NHSL2: variants seen among roughly 807,000 people sequenced by gnomAD.
NHSL2 encodes the protein NHS like 2.
Under a neutral mutation model 53.4 loss-of-function variants are expected in NHSL2, and 27 were observed. The observed-to-expected ratio is 0.51, with a 90% CI of 0.37 to 0.70. The LOEUF (loss-of-function observed/expected upper bound fraction) is 0.70, where lower values mean the gene tolerates loss of function less well. Ranked by LOEUF, NHSL2 falls within the 30% of genes least tolerant of loss-of-function variation. The pLI, the probability that NHSL2 is intolerant of heterozygous loss-of-function variation, is 0.00. For synonymous variants in NHSL2, 408 were observed against 404.1 expected (o/e 1.01, Z -0.12); for missense variants, 892 against 980.1 (o/e 0.91, Z 1.20).
intron 1 of NHSL2, among the ~76,000 whole-genome samples, chrX:72,019,388 C>T (rs762368301): frequency 1.7e-4 from 19 of 112,297 alleles, no homozygotes; most frequent in Non-Finnish European, 3.4e-4. Flanking sequence ...TTGCCCTGAC[C>T]ATAAAATAGC....
intron 1 of NHSL2, among the ~76,000 whole-genome samples, chrX:71,994,265 G>C (rs2042039895): frequency 9.5e-6 from 1 of 105,004 alleles, no homozygotes; most frequent in Non-Finnish European, 2.0e-5. Context: ...TGGGAGGGCA[G>C]ACAGACTGAG....
chrX:72,065,955 A>C (rs983043054), intron 1 of NHSL2, among the ~76,000 whole-genome samples: 2 of 112,211 alleles, frequency 1.8e-5, no homozygotes, highest in African/African-American at 6.5e-5. Context: ...GCCGGTTCTG[A>C]GTATAGGCTG....
Position 72,140,479 on chromosome X carries a change from G to A in NHSL2, c.2931G>A (p.Lys977=). The A allele has an allele frequency of 3.3e-6, 4 of 1,210,237 alleles. No individual in the cohort carries two copies. Among genetic ancestry groups the A allele is most frequent in the Non-Finnish European group, 4.5e-6 (4 of 894,759 alleles). ...GAAGTGTAGAGGACGAGGGCCCCAA[G>A]GTGAGGGTTCTGCCTGAAAGAATTA... ...PQGSVEDEGP[K]VRVLPERISL... Residue 977 remains lysine (K), a synonymous_variant, in exon 6 of 8, where the codon AAG becomes AAA. Transcript: ENST00000633930.
chrX:71,985,390 A>C (rs953733920), intron 1 of NHSL2, among the ~76,000 whole-genome samples: 4 of 112,273 alleles, frequency 3.6e-5, no homozygotes, highest in African/African-American at 1.3e-4. Flanking sequence ...TGATTCCTTA[A>C]AGGAAAGCAC....
intron 1 of NHSL2, among the ~76,000 whole-genome samples, chrX:72,126,184 G>A (rs1398388053): frequency 2.7e-5 from 3 of 111,874 alleles, no homozygotes; most frequent in Non-Finnish European, 5.6e-5. Context: ...AAGGGACAAA[G>A]CAAATGTGCC....
At chrX:71,960,606 G>T (rs2041863245) in intron 1 of NHSL2, among the ~76,000 whole-genome samples, 1 of 112,310 alleles carries the variant, frequency 8.9e-6, no homozygotes, top group South Asian at 3.6e-4. Flanking sequence ...TGGCTATCCA[G>T]TTGTCCCAGC....
chrX:72,094,296 G>A (rs1047513194), intron 1 of NHSL2, among the ~76,000 whole-genome samples: 5 of 111,399 alleles, frequency 4.5e-5, no homozygotes, highest in African/African-American at 1.3e-4. Context: ...GGCAAAGAAT[G>A]GTATGGACAA....
intron 1 of NHSL2, among the ~76,000 whole-genome samples, chrX:72,033,033 C>A (rs973239356): frequency 9.9e-5 from 11 of 111,527 alleles, no homozygotes; most frequent in African/African-American, 3.3e-4. Context: ...CAATTATTCT[C>A]CTTTTTCAAG....
intron 1 of NHSL2, among the ~76,000 whole-genome samples, chrX:71,971,245 A>AT (rs2041923758): frequency 8.9e-6 from 1 of 111,810 alleles, no homozygotes; most frequent in Non-Finnish European, 1.9e-5. Flanking sequence ...TCTACTTCAG[A>AT]TTTGTAGTAA....
chrX:71,916,676 G>T (rs776488863), intron 1 of NHSL2, among the ~76,000 whole-genome samples: 1 of 111,840 alleles, frequency 8.9e-6, no homozygotes, highest in South Asian at 3.8e-4. Flanking sequence ...CATACCAGAA[G>T]ATTCTTCTGC....
intron 1 of NHSL2, among the ~76,000 whole-genome samples, chrX:72,122,475 T>A (rs930984607): frequency 8.9e-6 from 1 of 112,842 alleles, no homozygotes; most frequent in African/African-American, 3.2e-5. Flanking sequence ...TAGCTATTTT[T>A]GTTGTTATTG....
intron 1 of NHSL2, among the ~76,000 whole-genome samples, chrX:72,030,705 G>C (rs1002598495): frequency 8.9e-6 from 1 of 112,180 alleles, no homozygotes; most frequent in Non-Finnish European, 1.9e-5. Flanking sequence ...GCCCTGCTTT[G>C]TAGCTTTTGC....
intron 1 of NHSL2, among the ~76,000 whole-genome samples, chrX:72,062,029 T>C (rs765654636): frequency 8.9e-6 from 1 of 112,786 alleles, no homozygotes; most frequent in South Asian, 3.6e-4. Flanking sequence ...ACTCTTTACA[T>C]CTGCCTCATT....
At chrX:71,993,803 G>A (rs1371187816) in intron 1 of NHSL2, among the ~76,000 whole-genome samples, 1 of 110,824 alleles carries the variant, frequency 9.0e-6, no homozygotes, top group Non-Finnish European at 1.9e-5. Context: ...GACAAGTCAC[G>A]GTGTGACCAA....
At chrX:72,018,045 A>G (rs980109999) in intron 1 of NHSL2, among the ~76,000 whole-genome samples, 1 of 112,100 alleles carries the variant, frequency 8.9e-6, no homozygotes, top group Non-Finnish European at 1.9e-5. Context: ...AATCTAAAAC[A>G]TATTTACAGA....
At chrX:72,060,446 T>C (rs1569476464) in intron 1 of NHSL2, among the ~76,000 whole-genome samples, 1 of 112,767 alleles carries the variant, frequency 8.9e-6, no homozygotes, top group South Asian at 3.6e-4. Context: ...TTACTTGCCC[T>C]CTCTGGGCTT....
chrX:72,045,055 G>A (rs2042298035), intron 1 of NHSL2, among the ~76,000 whole-genome samples: 1 of 111,406 alleles, frequency 9.0e-6, no homozygotes, highest in Non-Finnish European at 1.9e-5. Flanking sequence ...GGAGCTATCT[G>A]GCCATCAGGG....
At chrX:72,022,075 G>A (rs920618077) in intron 1 of NHSL2, among the ~76,000 whole-genome samples, 1 of 111,648 alleles carries the variant, frequency 9.0e-6, no homozygotes, top group African/African-American at 3.3e-5. Context: ...CTGCTTCTCA[G>A]AATCTTTCCC....
intron 1 of NHSL2, among the ~76,000 whole-genome samples, chrX:71,960,638 T>C (rs1340857825): frequency 8.9e-6 from 1 of 112,505 alleles, no homozygotes; most frequent in Non-Finnish European, 1.9e-5. Context: ...AAGAGACTGT[T>C]CTTTTCCCAT....
Sources: gnomAD v4.1 joint callset for allele counts (sites outside exome capture counted in the v4.1 genomes callset) on GRCh38, gnomAD v4.1.1 for gene constraint, MANE v1.5 for transcripts, NCBI Gene and HGNC (gene_info 2026-07-23, HGNC 2026-07-21) for gene names.